BCAS4: variants seen among roughly 807,000 people sequenced by gnomAD.
BCAS4 encodes the protein breast carcinoma-amplified sequence 4.
A neutral mutation model predicts 15.7 loss-of-function variants in BCAS4; 9 were observed. That is an observed-to-expected ratio of 0.57 (90% confidence interval 0.34 to 1.00). The LOEUF is 1.00. Among genes scored for constraint, BCAS4 ranks in the 50% least tolerant of loss-of-function variants. The pLI, the probability that BCAS4 is intolerant of heterozygous loss-of-function variation, is 0.02. For missense variants in BCAS4, 225 were observed against 239.1 expected (o/e 0.94, Z 0.39); for synonymous variants, 101 against 99.5 (o/e 1.02, Z -0.09).
At chr20:50,832,142 A>G (rs537605806) in intron 3 of BCAS4, among the ~76,000 whole-genome samples, 2 of 152,196 alleles carry the variant, frequency 1.3e-5, no homozygotes, top group African/African-American at 2.4e-5. Context: ...TCAGCCTCCT[A>G]TCGCTGCTGG....
chr20:50,864,524 C>T (rs1445970776), intron 4 of BCAS4, among the ~76,000 whole-genome samples: 2 of 150,846 alleles, frequency 1.3e-5, no homozygotes, highest in Non-Finnish European at 2.9e-5. Context: ...CTCTAACCTC[C>T]ACCTCCCAGG....
At chr20:50,840,116 C>G (rs529654934) in intron 3 of BCAS4, among the ~76,000 whole-genome samples, 29 of 152,146 alleles carry the variant, frequency 1.9e-4, no homozygotes, top group Admixed American at 1.2e-3. Context: ...CTCAAGTGAC[C>G]CTCCCTGGCT....
intron 1 of BCAS4, among the ~76,000 whole-genome samples, chr20:50,798,964 T>C (rs2087897372): frequency 6.6e-6 from 1 of 152,194 alleles, no homozygotes; most frequent in South Asian, 2.1e-4. Context: ...GAATCATTCA[T>C]AAATGGTTCA....
At chr20:50,815,404 T>C (rs2088125146) in intron 1 of BCAS4, among the ~76,000 whole-genome samples, 1 of 152,196 alleles carries the variant, frequency 6.6e-6, no homozygotes, top group African/African-American at 2.4e-5. Context: ...GATCTCTCCA[T>C]CACCCGCTGT....
intron 3 of BCAS4, chr20:50,832,905 G>A (rs1047157604): frequency 1.7e-4 from 26 of 152,242 alleles, no homozygotes; most frequent in African/African-American, 6.0e-4. Context: ...CACACCTGCA[G>A]GATCCCTTTT....
intron 4 of BCAS4, among the ~76,000 whole-genome samples, chr20:50,872,652 G>A (rs1025544400): frequency 4.6e-5 from 7 of 151,818 alleles, no homozygotes; most frequent in Non-Finnish European, 8.8e-5. Flanking sequence ...CGGAAACAGC[G>A]CCCACCCATG....
In BCAS4 at chr20:50,851,013, C is replaced by T. The variant is rs529629699; in HGVS notation, c.399+9113C>T. Among the ~76,000 whole-genome samples the T allele has an allele frequency of 0.46, 410 of 898 alleles. 8 individuals are homozygous for T. The highest frequency in any genetic ancestry group is 0.5 in the East Asian group (291 of 578). 0.6% of individuals were successfully genotyped at this position (898 alleles called of 152,430 possible). A position where few individuals can be genotyped will look rare whatever the true frequency, so the allele number is the denominator to read the frequency against. On this transcript the variant is annotated intron_variant, in intron 4 of 4. Transcript: ENST00000371608. The surrounding 1 kb of genome is among the most constrained non-coding windows in gnomAD (Gnocchi z 4.3). ...AGGCTCAGCGTGCTCCCCTCCCCAG[C>T]GACCCCCCCAGCTCCCGCCCCTTGC...
intron 4 of BCAS4, among the ~76,000 whole-genome samples, chr20:50,869,742 C>CTTTTTTTTT (rs55685532): frequency 2.6e-5 from 2 of 77,640 alleles, no homozygotes; most frequent in Non-Finnish European, 4.5e-5. Flanking sequence ...CCTGGCACTG[C>CTTTTTTTTT]TTTTTTTTTT....
chr20:50,852,382 G>T (rs889496728), intron 4 of BCAS4, among the ~76,000 whole-genome samples: 11 of 151,778 alleles, frequency 7.2e-5, no homozygotes, highest in African/African-American at 2.2e-4. Flanking sequence ...GTGTGTGTGT[G>T]TGTGTTTTCT....
intron 4 of BCAS4, among the ~76,000 whole-genome samples, chr20:50,867,278 C>G (rs1487978584): frequency 6.6e-6 from 1 of 152,182 alleles, no homozygotes; most frequent in Non-Finnish European, 1.5e-5. Context: ...CCTCCTCTGG[C>G]CTATGACAGT....
At chr20:50,815,474 C>G (rs1459796590) in intron 1 of BCAS4, among the ~76,000 whole-genome samples, 1 of 152,210 alleles carries the variant, frequency 6.6e-6, no homozygotes, top group Non-Finnish European at 1.5e-5. Flanking sequence ...AACAACCAAT[C>G]TTCTCCTCTA....
intron 2 of BCAS4, among the ~76,000 whole-genome samples, chr20:50,822,549 T>C (rs1429138210): frequency 6.6e-6 from 1 of 151,652 alleles, no homozygotes; most frequent in Non-Finnish European, 1.5e-5. Context: ...GGCAAGGATG[T>C]AGAGCAACGA....
At chr20:50,864,439 ATTTT>A (rs397866091) in intron 4 of BCAS4, among the ~76,000 whole-genome samples, 1 of 97,870 alleles carries the variant, frequency 1.0e-5, no homozygotes, top group African/African-American at 5.0e-5. Flanking sequence ...ATCATGATTG[ATTTT>A]TTTTTTTTTT....
At chr20:50,854,942 G>A (rs531203320) in intron 4 of BCAS4, among the ~76,000 whole-genome samples, 13 of 152,320 alleles carry the variant, frequency 8.5e-5, no homozygotes, top group African/African-American at 3.1e-4. Flanking sequence ...CTGAGCTGCT[G>A]CCCATCTGGG....
At chr20:50,881,697 G>C (rs1297011261), downstream of BCAS4, 1 of 149,156 alleles carries the variant, frequency 6.7e-6, no homozygotes, top group Non-Finnish European at 1.5e-5. Flanking sequence ...AGTCTGCTCT[G>C]TTGCCCAGGC....
chr20:50,827,712 A>G (rs543526783), intron 2 of BCAS4, among the ~76,000 whole-genome samples: 1 of 152,058 alleles, frequency 6.6e-6, no homozygotes, highest in African/African-American at 2.4e-5. Context: ...GCCATTTCTC[A>G]TGGGAGCCCC....
chr20:50,881,095 T>C (rs2122707530), downstream of BCAS4: 1 of 152,134 alleles, frequency 6.6e-6, no homozygotes, highest in South Asian at 2.1e-4. Flanking sequence ...TAGCCAGGCA[T>C]GGTGGTGCTT....
intron 3 of BCAS4, among the ~76,000 whole-genome samples, chr20:50,831,707 G>A (rs1467362955): frequency 2.0e-5 from 3 of 152,120 alleles, no homozygotes; most frequent in Non-Finnish European, 4.4e-5. Context: ...ATGTGCCAGT[G>A]CAGACACTCT....
intron 1 of BCAS4, among the ~76,000 whole-genome samples, chr20:50,808,571 C>T (rs966784284): frequency 1.3e-5 from 2 of 152,134 alleles, no homozygotes; most frequent in Non-Finnish European, 2.9e-5. Flanking sequence ...AAGGTGGTAT[C>T]GCATTGTGGT....
Sources: allele counts gnomAD v4.1 joint callset (sites outside exome capture counted in the v4.1 genomes callset), GRCh38; gene constraint gnomAD v4.1.1; non-coding constraint Gnocchi (gnomAD v3.1); transcripts MANE v1.5; gene names NCBI Gene and HGNC (gene_info 2026-07-23, HGNC 2026-07-21).